Variants in ATRNL1 observed in about 807,000 individuals in gnomAD.
ATRNL1 encodes the protein attractin like 1, also known as attractin-like protein 1.
Under a neutral mutation model 182.7 loss-of-function variants are expected in ATRNL1, and 95 were observed. That is an observed-to-expected ratio of 0.52 (90% CI 0.44 to 0.62). The LOEUF (loss-of-function observed/expected upper bound fraction) is 0.62, where lower values mean the gene tolerates loss of function less well. Ranked by LOEUF, ATRNL1 falls within the 20% of genes least tolerant of loss-of-function variation. The pLI, the probability that ATRNL1 is intolerant of heterozygous loss-of-function variation, is 0.00. For synonymous variants in ATRNL1, 576 were observed against 568.3 expected, an observed-to-expected ratio of 1.01 and a Z score of -0.19; for missense variants, 1,471 against 1,679.5, an observed-to-expected ratio of 0.88 and a Z score of 2.17.
chr10:115,436,346 G>A (rs1554964835), intron 21 of ATRNL1, among the ~76,000 whole-genome samples: 1 of 151,998 alleles, frequency 6.6e-6, no homozygotes, highest in Non-Finnish European at 1.5e-5. Context: ...TTAATGTATG[G>A]CATTGGTGAT....
intron 27 of ATRNL1, among the ~76,000 whole-genome samples, chr10:115,842,254 C>CT (rs1950827396): frequency 6.6e-6 from 1 of 151,930 alleles, no homozygotes; most frequent in Non-Finnish European, 1.5e-5. Context: ...TTTCTAATTG[C>CT]TTTTTTGGCA....
intron 9 of ATRNL1, among the ~76,000 whole-genome samples, chr10:115,225,940 C>T (rs1436342158): frequency 6.0e-5 from 9 of 149,746 alleles, no homozygotes; most frequent in Non-Finnish European, 1.3e-4. Context: ...TGTCAATTTC[C>T]AAAAGAAAAA....
intron 27 of ATRNL1, among the ~76,000 whole-genome samples, chr10:115,780,570 A>G (rs1397821958): frequency 2.0e-5 from 3 of 152,076 alleles, no homozygotes; most frequent in Middle Eastern, 3.2e-3. Context: ...TGAGGAGAGG[A>G]GAGGGAAGAG....
intron 15 of ATRNL1, among the ~76,000 whole-genome samples, chr10:115,293,019 A>T (rs1340801428): frequency 6.6e-6 from 1 of 152,072 alleles, no homozygotes. Context: ...TATTTTCCTT[A>T]TGTATCTAAG....
intron 26 of ATRNL1, among the ~76,000 whole-genome samples, chr10:115,624,206 A>G (rs962166904): frequency 1.3e-5 from 2 of 152,016 alleles, no homozygotes; most frequent in Non-Finnish European, 2.9e-5. Context: ...ATACAATAAT[A>G]AATTTTAAAA....
intron 10 of ATRNL1, among the ~76,000 whole-genome samples, chr10:115,260,051 A>AC (rs1402149042): frequency 6.6e-6 from 1 of 152,190 alleles, no homozygotes; most frequent in African/African-American, 2.4e-5. Context: ...GTCACTTCCT[A>AC]CCGCTACATG....
rs148408627 is a variant in ATRNL1, at chr10:115,342,955, A to T, written c.3175+8536A>T. On this transcript the variant is annotated intron_variant, in intron 19 of 28. Coordinates refer to ENST00000355044, the MANE Select transcript of ATRNL1 (RefSeq NM_207303.4). ...ATGTCATGCCATTGTCTCCCGGCCC[A>T]TAAGGTTTCCACTGAACAGTCTGCC... is the stretch of plus-strand genomic sequence containing the variant. 6.2e-3 allele frequency among the ~76,000 whole-genome samples: 942 copies of T among 152,268 alleles called. 1 individual carries two copies. The highest frequency in any genetic ancestry group is 0.011 in the Non-Finnish European group (726 of 68,018).
At chr10:115,329,903 G>A (rs1855121217) in intron 18 of ATRNL1, among the ~76,000 whole-genome samples, 1 of 151,980 alleles carries the variant, frequency 6.6e-6, no homozygotes, top group African/African-American at 2.4e-5. Flanking sequence ...TAAGGATTTT[G>A]TACTGCCATA....
At chr10:115,203,517 CGTTTA>C (rs1848675006) in intron 8 of ATRNL1, among the ~76,000 whole-genome samples, 1 of 150,592 alleles carries the variant, frequency 6.6e-6, no homozygotes, top group African/African-American at 2.4e-5. Flanking sequence ...TCTTCTTGAG[CGTTTA>C]GTTTACTTTT....
At chr10:115,209,861 C>T (rs562246883) in intron 8 of ATRNL1, among the ~76,000 whole-genome samples, 1 of 152,050 alleles carries the variant, frequency 6.6e-6, no homozygotes, top group African/African-American at 2.4e-5. Flanking sequence ...TCTTGCTTTT[C>T]AAATTTGTCT....
Position 115,644,795 on chromosome 10 carries a change from T to A in ATRNL1, c.3796-82453T>A, listed in dbSNP as rs1443508701. Among the ~76,000 whole-genome samples, 4 of 152,312 alleles carry A rather than the reference T, an allele frequency of 2.6e-5. No individual in the cohort carries two copies. The East Asian group carries it at 7.7e-4, about 29-fold the overall frequency. On this transcript the variant is annotated intron_variant, in intron 26 of 28. Coordinates refer to ENST00000355044, the MANE Select transcript of ATRNL1 (RefSeq NM_207303.4). ...TTTGCAGTAATTATAAAACTACATATAAAGTGCTTAGAAGCAATATATCTG... is the reference window on the plus strand; with the variant it reads ...TTTGCAGTAATTATAAAACTACATAAAAAGTGCTTAGAAGCAATATATCTG...
intron 25 of ATRNL1, among the ~76,000 whole-genome samples, chr10:115,526,463 C>G (rs1262664490): frequency 1.3e-5 from 2 of 152,136 alleles, no homozygotes; most frequent in Non-Finnish European, 2.9e-5. Context: ...ACTCCACTCT[C>G]TTTTGAAGGT....
chr10:115,374,885 C>G (rs1194016714), intron 19 of ATRNL1, among the ~76,000 whole-genome samples: 1 of 151,840 alleles, frequency 6.6e-6, no homozygotes, highest in Non-Finnish European at 1.5e-5. Context: ...GTTTTGTGGT[C>G]TAGCATATTA....
At chr10:115,683,018 C>A (rs1946100203) in intron 26 of ATRNL1, among the ~76,000 whole-genome samples, 1 of 151,996 alleles carries the variant, frequency 6.6e-6, no homozygotes, top group Admixed American at 6.6e-5. Flanking sequence ...GATGGGGAAA[C>A]AATCAAAAAC....
Position 115,300,199 on chromosome 10 carries a change from A to C in ATRNL1, c.2581A>C (p.Asn861His). ...GGCTGCAGTGGCAGGCTTAAAAGCT[A>C]ATCCTTGTACATCTATGGCAAATGG... is the stretch of plus-strand genomic sequence containing the variant. ...ERAAVAGLKA[N>H]PCTSMANGLV... Residue 861 changes from asparagine (N) to histidine (H), a missense_variant, in exon 16 of 29, where the codon AAT (asparagine) becomes CAT (histidine). Coordinates refer to ENST00000355044, the MANE Select transcript of ATRNL1 (RefSeq NM_207303.4). The C allele has an allele frequency of 6.2e-7, 1 of 1,614,064 alleles. No individual in the cohort carries two copies. Among genetic ancestry groups the C allele is most frequent in the Non-Finnish European group, 8.5e-7 (1 of 1,179,950 alleles).
chr10:115,432,053 T>A (rs1248457600), intron 21 of ATRNL1, among the ~76,000 whole-genome samples: 1 of 152,118 alleles, frequency 6.6e-6, no homozygotes, highest in Admixed American at 6.5e-5. Flanking sequence ...CATATGTAAT[T>A]TAAAATTTTC....
intron 27 of ATRNL1, among the ~76,000 whole-genome samples, chr10:115,748,590 A>T (rs1186906393): frequency 6.6e-6 from 1 of 151,776 alleles, no homozygotes; most frequent in Non-Finnish European, 1.5e-5. Context: ...TTATATAATT[A>T]ATATAAATAT....
At position 115,461,738 on chromosome 10, in the gene ATRNL1, G is replaced by A. The variant is rs570942557; in HGVS notation, c.3323-203G>A. Among the ~76,000 whole-genome samples, 14 of 151,900 alleles carry A rather than the reference G, an allele frequency of 9.2e-5. No individual in the cohort carries two copies. In the East Asian group the frequency reaches 2.3e-3, roughly 25 times the overall value. ...CAGAAATAATAAATAAAATTTTTAA[G>A]GAATTAGTACTTCTTCCATAACTAT... On this transcript the variant is annotated intron_variant, in intron 21 of 28. Transcript: ENST00000355044.
chr10:115,201,305 C>T (rs1554892320), intron 8 of ATRNL1, among the ~76,000 whole-genome samples: 1 of 152,032 alleles, frequency 6.6e-6, no homozygotes, highest in African/African-American at 2.4e-5. Flanking sequence ...AGTCCTTGCC[C>T]ATGCCTATGT....
Sources: gnomAD v4.1 joint callset for allele counts (sites outside exome capture counted in the v4.1 genomes callset) on GRCh38, gnomAD v4.1.1 for gene constraint, MANE v1.5 for transcripts, NCBI Gene and HGNC (gene_info 2026-07-23, HGNC 2026-07-21) for gene names.